The following PLEC variants were observed in gnomAD, a reference collection of about 807,000 sequenced individuals.
The protein encoded by PLEC is hemidesmosomal protein 1.
Under a neutral mutation model 392.8 loss-of-function variants are expected in PLEC, and 216 were observed. The observed-to-expected ratio is 0.55, with a 90% CI of 0.49 to 0.62. PLEC has a LOEUF of 0.62. Ranked by LOEUF, PLEC falls within the 20% of genes least tolerant of loss-of-function variation. The pLI is 0.00. For missense variants in PLEC, 6,863 were observed against 6,563.4 expected, an observed-to-expected ratio of 1.05 and a Z score of -1.58; for synonymous variants, 3,621 against 2,980.6, an observed-to-expected ratio of 1.21 and a Z score of -7.00.
rs919650083 is a variant in PLEC, at chr8:143,921,386, G to A, written c.8435C>T (p.Thr2812Met). Residue 2812 changes from threonine to methionine, a missense_variant, in exon 32 of 32, where the codon ACG becomes ATG. Transcript: ENST00000345136. ...GTGCACGGGGTCGATAACGCCGCCC[G>A]TGGCGATCTGGGCCTCCAGCAGGCG... The part of the protein sequence containing the change: ...GIRLLEAQIA[T>M]GGVIDPVHSH... 3.1e-6 allele frequency: 5 copies of A among 1,613,222 alleles called. No homozygotes were observed. Among genetic ancestry groups the A allele is most frequent in the African/African-American group, 2.7e-5 (2 of 74,944 alleles).
Position 143,932,126 on chromosome 8 carries a change from C to T in PLEC, c.2082+4G>A. 1 of 1,608,890 alleles carries T rather than the reference C, an allele frequency of 6.2e-7. No homozygotes were observed. Among genetic ancestry groups the T allele is most frequent in the Non-Finnish European group, 8.5e-7 (1 of 1,179,268 alleles). Reference sequence around the variant, plus strand: ...CAGCCCCGCCCCTACCCAGGGAGCCCCACCTCCACCGTGGGCCGGGCCGGG... The same window carrying T: ...CAGCCCCGCCCCTACCCAGGGAGCCTCACCTCCACCGTGGGCCGGGCCGGG... On this transcript the variant is annotated splice_donor_region_variant and intron_variant, in intron 17 of 31. Transcript: ENST00000345136.
At chr8:143,974,672 A>G (rs1554745443), upstream of PLEC, among the ~76,000 whole-genome samples, 1 of 152,142 alleles carries the variant, frequency 6.6e-6, no homozygotes, top group Non-Finnish European at 1.5e-5. The surrounding 1 kb of genome is among the most constrained non-coding windows in gnomAD (Gnocchi z 5.9). Flanking sequence ...GCACAGCTCT[A>G]GGTCACCCAC....
chr8:143,952,848 T>G (rs1407425885), upstream of PLEC, among the ~76,000 whole-genome samples: 1 of 151,760 alleles, frequency 6.6e-6, no homozygotes, highest in East Asian at 2.0e-4. Context: ...CCAGCAGAGA[T>G]GGGGCGGGGC....
intron 1 of PLEC, among the ~76,000 whole-genome samples, chr8:143,971,056 G>A (rs945158971): frequency 1.3e-4 from 20 of 152,218 alleles, no homozygotes; most frequent in East Asian, 1.9e-4. Context: ...TGTTCCAAGC[G>A]GAGCAGTGGC....
Position 143,929,564 on chromosome 8 carries a change from C to G in PLEC, c.2931G>C (p.Gln977His). ...TGCAGCGCTGGCAGCGAGACTCTTCCTGTGCACCTGGGGAACACATGTGGG... is the reference window on the plus strand; with the variant it reads ...TGCAGCGCTGGCAGCGAGACTCTTCGTGTGCACCTGGGGAACACATGTGGG... ...QLLQSLEQGA[Q>H]EESRCQRCIS... Residue 977 changes from glutamine to histidine, a missense_variant, in exon 24 of 32, where the codon CAG (glutamine) becomes CAC (histidine). Gln to His is a conservative substitution (Grantham distance 24). Coordinates refer to ENST00000345136, the MANE Select transcript of PLEC (RefSeq NM_201384.3). 1 of 1,612,560 alleles carries G rather than the reference C, an allele frequency of 6.2e-7. No homozygotes were observed. The highest frequency in any genetic ancestry group is 8.5e-7 in the Non-Finnish European group (1 of 1,179,926).
chr8:143,966,270 C>T (rs754186567), intron 1 of PLEC, among the ~76,000 whole-genome samples: 4 of 152,340 alleles, frequency 2.6e-5, no homozygotes, highest in South Asian at 2.1e-4. Flanking sequence ...CTCATAGGCA[C>T]CTAAGCTCTG....
At position 143,930,417 on chromosome 8, in the gene PLEC, G is replaced by A. The variant is rs894090273; in HGVS notation, c.2424C>T (p.Pro808=). ...GCTTATAGTCGCACACGGCCAGCAG[G>A]GGCAGGCGGCCCCGCATGGGGTGGG... The part of the protein sequence containing the change: ...HPAHPMRGRL[P]LLAVCDYKQV... The change falls in exon 20 of 32, where the codon CCC becomes CCT. Residue 808 remains proline (P), a synonymous_variant. Transcript: ENST00000345136. 1 of 1,572,956 alleles carries A rather than the reference G, an allele frequency of 6.4e-7. No individual in the cohort carries two copies. Among genetic ancestry groups the A allele is most frequent in the Non-Finnish European group, 8.6e-7 (1 of 1,161,114 alleles).
chr8:143,920,188 C>T lies in PLEC; in HGVS notation c.9633G>A (p.Pro3211=), dbSNP rs199870482. 1.8e-4 allele frequency: 292 copies of T among 1,611,228 alleles called. 1 individual carries two copies. In the African/African-American group the frequency reaches 3.3e-3, roughly 18 times the overall value. The change falls in exon 32 of 32, where the codon CCG becomes CCA. Residue 3211 remains proline (P), a synonymous_variant. Transcript: ENST00000345136. ...GGGCCCGAGCAGCCTTTTCTGAGAG[C>T]GGCAGCAGGCTCAGCCCGGTCAGCT... ...PDQLTGLSLL[P]LSEKAARARQ... is the part of the protein sequence containing the mutation.
At position 143,917,885 on chromosome 8, in the gene PLEC, G is replaced by C. The variant is rs1554673413; in HGVS notation, c.11936C>G (p.Pro3979Arg). 2 of 1,613,014 alleles carry C rather than the reference G, an allele frequency of 1.2e-6. No individual in the cohort carries two copies. Among genetic ancestry groups the C allele is most frequent in the Non-Finnish European group, 1.7e-6 (2 of 1,180,014 alleles). The change falls in exon 32 of 32, where the codon CCC (proline) becomes CGC (arginine). Residue 3979 changes from proline (P) to arginine (R), a missense_variant. By Grantham distance (103) the Pro-to-Arg change is moderately radical. Transcript: ENST00000345136. ...CACCGTCAGCTTCAGTCCCTTGATGGGGTCGATGACGTAACCGGTGGCCGC... is the reference window on the plus strand; with the variant it reads ...CACCGTCAGCTTCAGTCCCTTGATGCGGTCGATGACGTAACCGGTGGCCGC... The part of the protein sequence containing the change: ...AQAATGYVID[P>R]IKGLKLTVEE...
At position 143,921,873 on chromosome 8, in the gene PLEC, G is replaced by A. The variant is rs375555915; in HGVS notation, c.7948C>T (p.Arg2650Trp). The A allele has an allele frequency of 8.1e-6, 13 of 1,601,610 alleles. No individual in the cohort carries two copies. The highest frequency in any genetic ancestry group is 5.3e-5 in the African/African-American group (4 of 74,918). The change falls in exon 32 of 32, where the codon CGG (arginine) becomes TGG (tryptophan). Residue 2650 changes from arginine (R) to tryptophan (W), a missense_variant. Physicochemically the swap from Arg to Trp is moderately radical, Grantham distance 101 (BLOSUM62 -3). Transcript: ENST00000345136. ...AGCCTCTGAGCTGACACCTTCCGCC[G>A]CAGGCCATCGAAGCTGTGCTCCGGC... ...AEPEHSFDGL[R>W]RKVSAQRLQE...
chr8:143,918,332 T>C lies in PLEC; in HGVS notation c.11489A>G (p.Asn3830Ser). ...TGACAGCTGGTCGTGCGTGTCCTTG[T>C]TGAGGTAGCCACGCTGGTAAGCCAC... The part of the protein sequence containing the change: ...LEVAYQRGYL[N>S]KDTHDQLSEP... Residue 3830 changes from asparagine to serine, a missense_variant, in exon 32 of 32, where the codon AAC becomes AGC. Coordinates refer to ENST00000345136, the MANE Select transcript of PLEC (RefSeq NM_201384.3). The C allele has an allele frequency of 6.3e-7, 1 of 1,586,200 alleles. No homozygotes were observed. Among genetic ancestry groups the C allele is most frequent in the Non-Finnish European group, 8.5e-7 (1 of 1,173,294 alleles).
chr8:143,937,017 T>C lies in PLEC; in HGVS notation c.397A>G (p.Thr133Ala). Residue 133 changes from threonine (T) to alanine (A), a missense_variant, in exon 5 of 32, where the codon ACC (threonine) becomes GCC (alanine). Transcript: ENST00000345136. ...DDIADGNPKL[T>A]LGLIWTIILH... ...ATGATTGTCCAGATGAGGCCAAGGG[T>C]CAGCTTGGGGTTGCCGTCAGCGATG... The C allele has an allele frequency of 6.2e-7, 1 of 1,612,926 alleles. No individual in the cohort carries two copies. Among genetic ancestry groups the C allele is most frequent in the Non-Finnish European group, 8.5e-7 (1 of 1,179,760 alleles).
At position 143,917,923 on chromosome 8, in the gene PLEC, G is replaced by T. The variant is rs1554673515; in HGVS notation, c.11898C>A (p.Leu3966=). The T allele has an allele frequency of 6.2e-7, 1 of 1,612,990 alleles. No individual in the cohort carries two copies. The highest frequency in any genetic ancestry group is 8.5e-7 in the Non-Finnish European group (1 of 1,179,956). Residue 3966 remains leucine (L), a synonymous_variant, in exon 32 of 32, where the codon CTC becomes CTA. Transcript: ENST00000345136. The stretch of plus-strand genomic sequence containing the variant: ...AACCGGTGGCCGCCTGCGCCTCCAG[G>T]AGCTCAAAGGCTGTGCCGGGGCGGA... ...GIIRPGTAFE[L]LEAQAATGYV... is the part of the protein sequence containing the mutation.
intron 1 of PLEC, among the ~76,000 whole-genome samples, chr8:143,970,026 C>T (rs2132953997): frequency 6.6e-6 from 1 of 152,200 alleles, no homozygotes. Flanking sequence ...CTTGCCAGCC[C>T]TGGGCCTGCC....
intron 25 of PLEC, 127 bp downstream of exon 25, chr8:143,928,976 G>A (rs576895794): frequency 3.0e-5 from 26 of 862,578 alleles, no homozygotes; most frequent in East Asian, 1.9e-4. Context: ...TGGGCCTCCC[G>A]CCTCCTGGCC....
At chr8:143,955,550 T>G (rs1164385132), upstream of PLEC, among the ~76,000 whole-genome samples, 1 of 152,178 alleles carries the variant, frequency 6.6e-6, no homozygotes, top group Non-Finnish European at 1.5e-5. Context: ...GTGACAGATA[T>G]TTATAAAGAG....
intron 5 of PLEC, 32 bp downstream of exon 5, chr8:143,936,947 G>C: frequency 6.6e-7 from 1 of 1,525,948 alleles, no homozygotes; most frequent in Non-Finnish European, 9.1e-7. Flanking sequence ...AACTCCTGCA[G>C]GGGGTGGGGG....
chr8:143,976,698 C>CA (rs1833677733), upstream of PLEC: 1 of 152,140 alleles, frequency 6.6e-6, no homozygotes, highest in Non-Finnish European at 1.5e-5. Context: ...CGCGGTCATA[C>CA]ATGCCTGGTG....
rs782387009 is a variant in PLEC at position 143,917,479 on chromosome 8, C to T, written c.12342G>A (p.Thr4114=). 70 of 1,613,740 alleles carry T rather than the reference C, an allele frequency of 4.3e-5. No individual in the cohort carries two copies. Among genetic ancestry groups the T allele is most frequent in the African/African-American group, 9.3e-5 (7 of 74,930 alleles). ...LMERCITDPQ[T]GLCLLPLKEK... is the part of the protein sequence containing the mutation. ...CCTTCAGCGGCAAGAGACACAGGCC[C>T]GTCTGGGGGTCAGTGATACAACGCT... is the stretch of plus-strand genomic sequence containing the variant. Residue 4114 remains threonine, a synonymous_variant, in exon 32 of 32, where the codon ACG becomes ACA. Coordinates refer to ENST00000345136, the MANE Select transcript of PLEC (RefSeq NM_201384.3).
Sources: allele counts gnomAD v4.1 joint callset (sites outside exome capture counted in the v4.1 genomes callset), GRCh38; gene constraint gnomAD v4.1.1; non-coding constraint Gnocchi (gnomAD v3.1); transcripts MANE v1.5; gene names NCBI Gene and HGNC (gene_info 2026-07-23, HGNC 2026-07-21).